Variants in KLHL5 observed in about 807,000 individuals in gnomAD.
The protein encoded by KLHL5 is kelch like family member 5.
In KLHL5, 48 loss-of-function variants were observed where a neutral mutation model predicts 77.7. The observed-to-expected ratio is 0.62, with a 90% CI of 0.49 to 0.79. The LOEUF is 0.79. Ranked by LOEUF, KLHL5 falls within the 30% of genes least tolerant of loss-of-function variation. The pLI is 0.00. For synonymous variants in KLHL5, 260 were observed against 297.0 expected (o/e 0.88, Z 1.28); for missense variants, 723 against 859.7 (o/e 0.84, Z 1.99).
chr4:39,062,325 G>A lies in KLHL5; in HGVS notation c.-328G>A, dbSNP rs1483074104. 2 of 1,402,498 alleles carry A rather than the reference G, an allele frequency of 1.4e-6. No homozygotes were observed. Among genetic ancestry groups the A allele is most frequent in the Admixed American group, 3.2e-5 (1 of 31,558 alleles). 86.9% of individuals were successfully genotyped at this position (1,402,498 alleles called of 1,614,324 possible). ...ATTTGAAAGGACTTTAATGAATGCTGTCAGTGTTTGTGAGACCTAATGGTC... is the reference window on the plus strand; with the variant it reads ...ATTTGAAAGGACTTTAATGAATGCTATCAGTGTTTGTGAGACCTAATGGTC... On this transcript the variant is annotated 5_prime_UTR_variant, in exon 1 of 11. Transcript: ENST00000504108.
At chr4:39,109,534 G>GGTGAT (rs1413399081) in intron 8 of KLHL5, among the ~76,000 whole-genome samples, 1 of 150,806 alleles carries the variant, frequency 6.6e-6, no homozygotes, top group Non-Finnish European at 1.5e-5. Flanking sequence ...CCTGACCTCA[G>GGTGAT]GTGATCCACC....
At chr4:39,131,241 AC>A (rs1478054640), downstream of KLHL5, among the ~76,000 whole-genome samples, 2 of 152,154 alleles carry the variant, frequency 1.3e-5, no homozygotes, top group Non-Finnish European at 1.5e-5. Flanking sequence ...TGCAAGATAT[AC>A]AATTTAATTT....
At chr4:39,103,653 A>T (rs1721791965) in intron 7 of KLHL5, 142 bp downstream of exon 7, 9 of 667,104 alleles carry the variant, frequency 1.3e-5, no homozygotes, top group Non-Finnish European at 2.3e-5. Flanking sequence ...GCAATAAAGA[A>T]TTTGGTAGGT....
chr4:39,048,995 A>G (rs532632877), intron 1 of KLHL5, among the ~76,000 whole-genome samples: 1 of 152,154 alleles, frequency 6.6e-6, no homozygotes, highest in African/African-American at 2.4e-5. Context: ...TTCCACTGCT[A>G]TTTCATTGGC....
chr4:39,083,839 A>G lies in KLHL5; in HGVS notation c.900+1680A>G, dbSNP rs28404667. Reference sequence around the variant, plus strand: ...TTGCTGCTTTAAGGCTTACACAGAAATTAAATTTAAATTAGCTGGATGTTT... The same window carrying G: ...TTGCTGCTTTAAGGCTTACACAGAAGTTAAATTTAAATTAGCTGGATGTTT... On this transcript the variant is annotated intron_variant, in intron 4 of 10. Coordinates refer to ENST00000504108, the MANE Select transcript of KLHL5 (RefSeq NM_015990.5). Among the ~76,000 whole-genome samples the G allele has an allele frequency of 5.4e-3, 826 of 152,310 alleles. 7 individuals are homozygous for G. Among genetic ancestry groups the G allele is most frequent in the African/African-American group, 0.019 (781 of 41,568 alleles).
At chr4:39,047,460 T>C (rs1415158598) in intron 1 of KLHL5, among the ~76,000 whole-genome samples, 1 of 152,246 alleles carries the variant, frequency 6.6e-6, no homozygotes, top group Admixed American at 6.5e-5. Flanking sequence ...CAGGCAGTTC[T>C]TCATTAGTAT....
intron 8 of KLHL5, among the ~76,000 whole-genome samples, chr4:39,109,875 G>C (rs1722329360): frequency 6.6e-6 from 1 of 151,124 alleles, no homozygotes; most frequent in Non-Finnish European, 1.5e-5. Context: ...ATAGAGACAG[G>C]GTTATTTACC....
At chr4:39,119,932 T>G (rs530978734) in intron 10 of KLHL5, among the ~76,000 whole-genome samples, 76 of 152,358 alleles carry the variant, frequency 5.0e-4, no homozygotes, top group Non-Finnish European at 8.8e-4. Context: ...ATAGGTTGAT[T>G]GTTCCAAGAG....
chr4:39,045,100 A>C (rs1716055995), intron 1 of KLHL5: 1 of 986,152 alleles, frequency 1.0e-6, no homozygotes, highest in South Asian at 4.6e-5. Context: ...CGACGCGGTA[A>C]GTGCGACTTC....
intron 6 of KLHL5, among the ~76,000 whole-genome samples, chr4:39,098,560 C>T (rs904748168): frequency 6.6e-6 from 1 of 151,638 alleles, no homozygotes; most frequent in African/African-American, 2.4e-5. Flanking sequence ...AACCAGCGCA[C>T]CGGGCCACAA....
chr4:39,094,166 G>A (rs1720847156), intron 5 of KLHL5, among the ~76,000 whole-genome samples: 1 of 151,954 alleles, frequency 6.6e-6, no homozygotes, highest in Non-Finnish European at 1.5e-5. Flanking sequence ...ATGATTATTT[G>A]CATAACACGT....
At chr4:39,091,850 T>TTTG (rs1560426647) in intron 5 of KLHL5, among the ~76,000 whole-genome samples, 2 of 141,800 alleles carry the variant, frequency 1.4e-5, no homozygotes, top group Admixed American at 7.0e-5. Context: ...TAGTTTTTTT[T>TTTG]TTTTTTTTTT....
At chr4:39,054,530 C>T (rs1157681544) in intron 1 of KLHL5, among the ~76,000 whole-genome samples, 3 of 152,110 alleles carry the variant, frequency 2.0e-5, no homozygotes, top group Admixed American at 6.6e-5. Flanking sequence ...AAATCCTGAC[C>T]GTTACTCAAT....
chr4:39,074,877 A>G (rs1718859706), intron 1 of KLHL5, among the ~76,000 whole-genome samples: 1 of 152,206 alleles, frequency 6.6e-6, no homozygotes, highest in Non-Finnish European at 1.5e-5. Flanking sequence ...CACTGGTTTT[A>G]TAGTTAATTG....
Position 39,101,555 on chromosome 4 carries a change from A to T in KLHL5, c.1301-1732A>T, listed in dbSNP as rs1428662662. The stretch of plus-strand genomic sequence containing the variant: ...GACTCTGTTTGGTGCTGTGAAAAAT[A>T]CAGAGGTAAAGGCCGGGCAAAATGG... On this transcript the variant is annotated intron_variant, in intron 6 of 10. Transcript: ENST00000504108. Among the ~76,000 whole-genome samples the T allele has an allele frequency of 2.6e-5, 4 of 152,274 alleles. No homozygotes were observed. The East Asian group carries it at 7.7e-4, about 29-fold the overall frequency.
Position 39,115,094 on chromosome 4 carries a change from C to A in KLHL5, c.1902-65C>A, listed in dbSNP as rs376613776. 111 of 1,452,938 alleles carry A rather than the reference C, an allele frequency of 7.6e-5. 1 individual carries two copies. The African/African-American group carries it at 1.4e-3, about 18-fold the overall frequency. 90.0% of individuals were successfully genotyped at this position (1,452,938 alleles called of 1,614,324 possible). On this transcript the variant is annotated intron_variant, in intron 9 of 10. Transcript: ENST00000504108. The stretch of plus-strand genomic sequence containing the variant: ...TGAGTCAGAAGATAGACTTGAAGAA[C>A]AAAACTGTTTTTACATAAATATTTT...
At chr4:39,092,722 GA>G (rs1380163398) in intron 5 of KLHL5, among the ~76,000 whole-genome samples, 3 of 152,082 alleles carry the variant, frequency 2.0e-5, no homozygotes, top group African/African-American at 7.2e-5. Context: ...TTTTTATAGT[GA>G]CTCTTTTTAG....
intron 7 of KLHL5, among the ~76,000 whole-genome samples, chr4:39,104,573 A>G (rs1414188394): frequency 6.6e-6 from 1 of 152,206 alleles, no homozygotes; most frequent in Non-Finnish European, 1.5e-5. Flanking sequence ...TTGTGCATTG[A>G]ATACTGTCAT....
At position 39,103,217 on chromosome 4, in the gene KLHL5, C is replaced by G. The variant is rs1031387257; in HGVS notation, c.1301-70C>G. On this transcript the variant is annotated intron_variant, in intron 6 of 10. Coordinates refer to ENST00000504108, the MANE Select transcript of KLHL5 (RefSeq NM_015990.5). ...TGCTAATAAGATTATATTTTTGTAT[C>G]TGTAATTTCATAAAATTACCAATCA... 5.4e-6 allele frequency: 6 copies of G among 1,114,890 alleles called. No homozygotes were observed. In the African/African-American group the frequency reaches 6.3e-5, roughly 12 times the overall value. The allele number at this position is 1,114,890 out of a possible 1,614,324, so 69.1% of individuals were successfully genotyped here. A position where few individuals can be genotyped will look rare whatever the true frequency, so the allele number is the denominator to read the frequency against.
Sources: allele counts gnomAD v4.1 joint callset (sites outside exome capture counted in the v4.1 genomes callset), GRCh38; gene constraint gnomAD v4.1.1; transcripts MANE v1.5; gene names NCBI Gene and HGNC (gene_info 2026-07-23, HGNC 2026-07-21).